Variants in TIMP2 observed in about 807,000 individuals in gnomAD.
TIMP2 encodes metalloproteinase inhibitor 2.
In TIMP2, 5 loss-of-function variants were observed where a neutral mutation model predicts 24.3. That is an observed-to-expected ratio of 0.21 (90% CI 0.11 to 0.43). TIMP2 has a LOEUF of 0.43. TIMP2 is among the 20% of genes least tolerant of loss of function. TIMP2 has a pLI of 1.00. For synonymous variants in TIMP2, 130 were observed against 123.2 expected (o/e 1.06, Z -0.37); for missense variants, 221 against 297.5 (o/e 0.74, Z 1.89).
In TIMP2 at chr17:78,924,813, C is replaced by A. The variant is rs927056275; in HGVS notation, c.130+146G>T. Reference sequence around the variant, plus strand: ...AAAGAAAGTCGGCTCTGGGCGTCCACTTGCAGGATTCGAGAAGGCGCCGAG... The same window carrying A: ...AAAGAAAGTCGGCTCTGGGCGTCCAATTGCAGGATTCGAGAAGGCGCCGAG... On this transcript the variant is annotated intron_variant, in intron 1 of 4. Coordinates refer to ENST00000262768, the MANE Select transcript of TIMP2 (RefSeq NM_003255.5). This position sits in a 1 kb window ranked among gnomAD's most constrained non-coding sequence, Gnocchi z 5.3. 2 of 362,994 alleles carry A rather than the reference C, an allele frequency of 5.5e-6. No homozygotes were observed. Among genetic ancestry groups the A allele is most frequent in the Non-Finnish European group, 9.0e-6 (2 of 221,780 alleles). The allele number at this position is 362,994 out of a possible 1,614,324, so 22.5% of individuals were successfully genotyped here.
At chr17:78,867,846 G>A (rs1412960997) in intron 3 of TIMP2, among the ~76,000 whole-genome samples, 3 of 151,890 alleles carry the variant, frequency 2.0e-5, no homozygotes, top group Admixed American at 6.6e-5. Flanking sequence ...TGATCTGCCC[G>A]TCTCGGCCTC....
rs2069999927 is a variant in TIMP2, at chr17:78,896,387, G to A, written c.131-22468C>T. Reference sequence around the variant, plus strand: ...CTCCAGGCAGCCCAGTGTCTCTCCAGCCCTGCCAGACAGGACGTCGGGTGC... The same window carrying A: ...CTCCAGGCAGCCCAGTGTCTCTCCAACCCTGCCAGACAGGACGTCGGGTGC... On this transcript the variant is annotated intron_variant, in intron 1 of 4. Transcript: ENST00000262768. This position sits in a 1 kb window ranked among gnomAD's most constrained non-coding sequence, Gnocchi z 4.4. 6.6e-6 allele frequency among the ~76,000 whole-genome samples: 1 copy of A among 152,192 alleles called. No individual in the cohort carries two copies. The highest frequency in any genetic ancestry group is 2.4e-5 in the African/African-American group (1 of 41,448).
chr17:78,872,259 G>A (rs1359192439), intron 2 of TIMP2, among the ~76,000 whole-genome samples: 2 of 151,734 alleles, frequency 1.3e-5, no homozygotes, highest in African/African-American at 2.4e-5. Flanking sequence ...CCAAAGTTCT[G>A]GGATTACAGG....
chr17:78,908,413 T>C (rs771911468), intron 1 of TIMP2, among the ~76,000 whole-genome samples: 5 of 152,220 alleles, frequency 3.3e-5, no homozygotes, highest in Non-Finnish European at 5.9e-5. Flanking sequence ...TCCATGCCTC[T>C]AAACTACTCA....
chr17:78,910,936 T>A (rs1173412032), intron 1 of TIMP2, among the ~76,000 whole-genome samples: 1 of 152,208 alleles, frequency 6.6e-6, no homozygotes, highest in Non-Finnish European at 1.5e-5. Context: ...GGGGTGCAGG[T>A]GTCTCTCTGA....
In TIMP2 at chr17:78,891,770, C is replaced by T; in HGVS notation, c.131-17851G>A. 1 of 1,551,202 alleles carries T rather than the reference C, an allele frequency of 6.4e-7. No individual in the cohort carries two copies. Among genetic ancestry groups the T allele is most frequent in the Non-Finnish European group, 8.7e-7 (1 of 1,147,134 alleles). ...TGACCTTTCTAGGTCCGCCCCTTTG[C>T]TCCTCCGAGGATGGATGGCACAGCG... On this transcript the variant is annotated intron_variant, in intron 1 of 4. Coordinates refer to ENST00000262768, the MANE Select transcript of TIMP2 (RefSeq NM_003255.5). The surrounding 1 kb of genome is among the most constrained non-coding windows in gnomAD (Gnocchi z 4.5).
chr17:78,884,512 G>C (rs1057180856), intron 1 of TIMP2, among the ~76,000 whole-genome samples: 1 of 152,056 alleles, frequency 6.6e-6, no homozygotes, highest in African/African-American at 2.4e-5. Context: ...GGAATCCCAG[G>C]GTCCACACAC....
intron 3 of TIMP2, among the ~76,000 whole-genome samples, chr17:78,864,921 G>T (rs998485064): frequency 6.6e-6 from 1 of 151,996 alleles, no homozygotes; most frequent in Non-Finnish European, 1.5e-5. Context: ...GGGCGTGGTG[G>T]TGCATGCCTG....
rs1431124980 is a variant in TIMP2 at position 78,892,479 on chromosome 17, A to G, written c.131-18560T>C. 4 of 1,535,280 alleles carry G rather than the reference A, an allele frequency of 2.6e-6. No homozygotes were observed. The East Asian group carries it at 9.8e-5, about 38-fold the overall frequency. On this transcript the variant is annotated intron_variant, in intron 1 of 4. Coordinates refer to ENST00000262768, the MANE Select transcript of TIMP2 (RefSeq NM_003255.5). ...GCAAACCTACGAGGAAGGGAGCACAAGTGCAGCTTTCCAGATCGCTCCCAG... is the reference window on the plus strand; with the variant it reads ...GCAAACCTACGAGGAAGGGAGCACAGGTGCAGCTTTCCAGATCGCTCCCAG...
intron 1 of TIMP2, among the ~76,000 whole-genome samples, chr17:78,874,408 C>T (rs1325014874): frequency 6.6e-6 from 1 of 152,164 alleles, no homozygotes; most frequent in African/African-American, 2.4e-5. Context: ...ACCCTCCAGC[C>T]ACGGCCTATT....
In TIMP2 at chr17:78,854,591, T is replaced by C. The variant is rs1567989349; in HGVS notation, c.*1076A>G. On this transcript the variant is annotated 3_prime_UTR_variant, in exon 5 of 5. Coordinates refer to ENST00000262768, the MANE Select transcript of TIMP2 (RefSeq NM_003255.5). ...CCTTCCTAGGCTGGACTTCTTACTATGCTTAGCTGGCGTCACATGCAGAAA... is the reference window on the plus strand; with the variant it reads ...CCTTCCTAGGCTGGACTTCTTACTACGCTTAGCTGGCGTCACATGCAGAAA... 1.3e-5 allele frequency: 2 copies of C among 152,226 alleles called. No individual in the cohort carries two copies. Among genetic ancestry groups the C allele is most frequent in the South Asian group, 4.2e-4 (2 of 4,816 alleles). 9.4% of individuals were successfully genotyped at this position (152,226 alleles called of 1,614,324 possible). A position where few individuals can be genotyped will look rare whatever the true frequency, so the allele number is the denominator to read the frequency against.
chr17:78,918,070 A>ACGCG lies in TIMP2; in HGVS notation c.130+6888_130+6889insCGCG, dbSNP rs10631361. 3.2e-3 allele frequency among the ~76,000 whole-genome samples: 432 copies of ACGCG among 133,100 alleles called. 2 individuals are homozygous for ACGCG. Among genetic ancestry groups the ACGCG allele is most frequent in the Non-Finnish European group, 4.2e-3 (268 of 63,694 alleles). 87.3% of individuals were successfully genotyped at this position (133,100 alleles called of 152,430 possible). On this transcript the variant is annotated intron_variant, in intron 1 of 4. Transcript: ENST00000262768. ...CACGTACGCGTGCACACACAAACAC[A>ACGCG]CACACACACACACACACACACACAC...
In TIMP2 at chr17:78,863,438, T is replaced by C. The variant is rs138309550; in HGVS notation, c.341-5792A>G. Among the ~76,000 whole-genome samples, 207 of 152,260 alleles carry C rather than the reference T, an allele frequency of 1.4e-3. 4 individuals are homozygous for C. The East Asian group carries it at 0.034, about 25-fold the overall frequency. On this transcript the variant is annotated intron_variant, in intron 3 of 4. Transcript: ENST00000262768. ...TTTGTATTTTTAGTAGAGACGGGAT[T>C]TCACTGTGTTAGCCAGGATGGTCTC...
chr17:78,862,912 G>C (rs75215211), intron 3 of TIMP2, among the ~76,000 whole-genome samples: 1 of 152,196 alleles, frequency 6.6e-6, no homozygotes, highest in South Asian at 2.1e-4. Flanking sequence ...TCACGGCTGC[G>C]TAGTATTCCG....
intron 1 of TIMP2, chr17:78,890,530 C>T (rs575845783): frequency 3.1e-6 from 4 of 1,289,246 alleles, no homozygotes; most frequent in African/African-American, 3.0e-5. Context: ...TTAAAGAGGC[C>T]TAATAGTCTC....
At chr17:78,861,831 G>C (rs2069569446) in intron 3 of TIMP2, among the ~76,000 whole-genome samples, 2 of 152,052 alleles carry the variant, frequency 1.3e-5, no homozygotes, top group Admixed American at 1.3e-4. Context: ...TTGAACTCCT[G>C]ACTTCAAGTG....
rs1245960476 is a variant in TIMP2, at chr17:78,925,046, G to A, written c.43C>T (p.Leu15=). Residue 15 remains leucine (L), a synonymous_variant, in exon 1 of 5, where the codon CTG becomes TTG. Coordinates refer to ENST00000262768, the MANE Select transcript of TIMP2 (RefSeq NM_003255.5). Reference sequence around the variant, plus strand: ...GGGCGAAGCAGCGTCGCCAGCAGCAGGAGGCCGAGCGCCAGCCGCAGGGTG... The same window carrying A: ...GGGCGAAGCAGCGTCGCCAGCAGCAAGAGGCCGAGCGCCAGCCGCAGGGTG... ...ARTLRLALGL[L]LLATLLRPAD... 1.6e-6 allele frequency: 2 copies of A among 1,223,792 alleles called. No homozygotes were observed. The highest frequency in any genetic ancestry group is 3.2e-5 in the African/African-American group (2 of 62,836). 75.8% of individuals were successfully genotyped at this position (1,223,792 alleles called of 1,614,324 possible). A position where few individuals can be genotyped will look rare whatever the true frequency, so the allele number is the denominator to read the frequency against.
chr17:78,869,435 A>C (rs2069652790), intron 3 of TIMP2, among the ~76,000 whole-genome samples: 1 of 151,678 alleles, frequency 6.6e-6, no homozygotes, highest in Non-Finnish European at 1.5e-5. Flanking sequence ...AAAACAAACC[A>C]AAAAACTATA....
intron 1 of TIMP2, among the ~76,000 whole-genome samples, chr17:78,907,692 C>T (rs1336219397): frequency 4.6e-5 from 7 of 152,144 alleles, no homozygotes; most frequent in East Asian, 3.8e-4. Flanking sequence ...TTGAGCCAGC[C>T]GTGATATTCA....
Sources: gnomAD v4.1 joint callset for allele counts (sites outside exome capture counted in the v4.1 genomes callset) on GRCh38, gnomAD v4.1.1 for gene constraint, Gnocchi (gnomAD v3.1) non-coding constraint, MANE v1.5 for transcripts, NCBI Gene and HGNC (gene_info 2026-07-23, HGNC 2026-07-21) for gene names.